Variants in VWF observed in about 807,000 individuals in gnomAD.
VWF encodes von Willebrand factor.
A neutral mutation model predicts 308.6 loss-of-function variants in VWF; 176 were observed. The ratio of observed to expected loss-of-function variants is 0.57; its 90% confidence interval spans 0.50 to 0.65. The LOEUF is 0.65. Ranked by LOEUF, VWF falls within the 30% of genes least tolerant of loss-of-function variation. The pLI is 0.00. For synonymous variants in VWF, 1,385 were observed against 1,443.4 expected (o/e 0.96, Z 0.92); for missense variants, 3,146 against 3,648.2 (o/e 0.86, Z 3.55).
chr12:5,966,049 C>A (rs1394354327), intron 47 of VWF, among the ~76,000 whole-genome samples: 1 of 152,180 alleles, frequency 6.6e-6, no homozygotes, highest in African/African-American at 2.4e-5. Flanking sequence ...GTGGCTCCCT[C>A]TGAACACCAG....
At chr12:6,050,331 G>A (rs1944494987) in intron 16 of VWF, among the ~76,000 whole-genome samples, 1 of 152,142 alleles carries the variant, frequency 6.6e-6, no homozygotes, top group Admixed American at 6.5e-5. Flanking sequence ...GCTATCGCTT[G>A]ATCCAAGGCC....
chr12:6,057,737 C>T (rs997447327), intron 14 of VWF, 112 bp downstream of exon 14: 2 of 1,304,414 alleles, frequency 1.5e-6, no homozygotes, highest in Non-Finnish European at 2.0e-6. Context: ...CCCCTTTCCT[C>T]GCTCCCCGCC....
intron 42 of VWF, among the ~76,000 whole-genome samples, chr12:5,980,141 AG>A (rs1943585711): frequency 6.2e-5 from 5 of 80,454 alleles, no homozygotes; most frequent in Admixed American, 1.4e-4. Flanking sequence ...GAAGGAAGAA[AG>A]GAGTGAGGGA....
intron 20 of VWF, among the ~76,000 whole-genome samples, chr12:6,033,616 G>C (rs1305823991): frequency 6.6e-6 from 1 of 152,256 alleles, no homozygotes; most frequent in Non-Finnish European, 1.5e-5. Flanking sequence ...TATCCCCCCG[G>C]ATCATAGGTT....
intron 13 of VWF, among the ~76,000 whole-genome samples, chr12:6,061,847 A>G (rs1944658108): frequency 6.6e-6 from 1 of 152,256 alleles, no homozygotes; most frequent in Non-Finnish European, 1.5e-5. Flanking sequence ...CAGAGGCCAC[A>G]TGACATGCAA....
intron 5 of VWF, among the ~76,000 whole-genome samples, chr12:6,106,066 G>A (rs559120530): frequency 1.3e-5 from 2 of 152,184 alleles, no homozygotes; most frequent in South Asian, 2.1e-4. Flanking sequence ...AGAATTGAAA[G>A]CAGGGTTTTA....
chr12:6,032,965 TAC>T (rs370954340), intron 20 of VWF, among the ~76,000 whole-genome samples: 148 of 149,708 alleles, frequency 9.9e-4, no homozygotes, highest in Middle Eastern at 3.6e-3. Context: ...CATGTACTCA[TAC>T]ACAGTCACAC....
At chr12:5,959,805 AC>A (rs1035026602) in intron 47 of VWF, among the ~76,000 whole-genome samples, 49 of 152,064 alleles carry the variant, frequency 3.2e-4, no homozygotes, top group Non-Finnish European at 6.5e-4. Flanking sequence ...GTAATAAAAA[AC>A]AATATATCAA....
chr12:6,039,357 GA>G (rs1944372221), intron 18 of VWF, among the ~76,000 whole-genome samples: 1 of 152,162 alleles, frequency 6.6e-6, no homozygotes, highest in Admixed American at 6.5e-5. Flanking sequence ...ACCTTTCTCT[GA>G]AAAGGCCCCA....
At chr12:6,002,436 T>C (rs1342104879) in intron 34 of VWF, among the ~76,000 whole-genome samples, 1 of 151,988 alleles carries the variant, frequency 6.6e-6, no homozygotes, top group Non-Finnish European at 1.5e-5. Flanking sequence ...AAGATTACTG[T>C]GAAAATTTTA....
chr12:6,004,415 G>C (rs1484162696), intron 34 of VWF, among the ~76,000 whole-genome samples: 3 of 152,086 alleles, frequency 2.0e-5, no homozygotes, highest in Non-Finnish European at 4.4e-5. Flanking sequence ...AATGAGAATT[G>C]AGGGATACTT....
chr12:5,967,675 G>T, intron 46 of VWF, 73 bp from the exon 47 acceptor site: 1 of 1,349,056 alleles, frequency 7.4e-7, no homozygotes, highest in Non-Finnish European at 1.0e-6. Flanking sequence ...CTCATACCCT[G>T]TCTCCTGCCC....
At chr12:5,969,860 C>T (rs1201194873) in intron 44 of VWF, among the ~76,000 whole-genome samples, 1 of 152,184 alleles carries the variant, frequency 6.6e-6, no homozygotes, top group Admixed American at 6.5e-5. Flanking sequence ...GAAGACTGCA[C>T]ATGGGTAGCC....
In VWF at chr12:5,964,166, G is replaced by A. The variant is rs555294209; in HGVS notation, c.7887+3320C>T. 2.5e-4 allele frequency among the ~76,000 whole-genome samples: 37 copies of A among 146,498 alleles called. No homozygotes were observed. The South Asian group carries it at 3.3e-3, about 13-fold the overall frequency. On this transcript the variant is annotated intron_variant, in intron 47 of 51. Transcript: ENST00000261405. ...TGGGAGGCGGGGCTTGCAGTGAGCC[G>A]AGATCTCACCACTGCACTCCAGCCT...
At chr12:6,105,631 G>A (rs1393194639) in intron 5 of VWF, among the ~76,000 whole-genome samples, 3 of 152,138 alleles carry the variant, frequency 2.0e-5, no homozygotes, top group African/African-American at 4.8e-5. Context: ...AATAGATATT[G>A]TAAAAGGAAT....
Position 5,971,659 on chromosome 12 carries a change from T to C in VWF, c.7488A>G (p.Pro2496=), listed in dbSNP as rs1943477000. 1 of 1,614,074 alleles carries C rather than the reference T, an allele frequency of 6.2e-7. No individual in the cohort carries two copies. Among genetic ancestry groups the C allele is most frequent in the African/African-American group, 1.3e-5 (1 of 74,934 alleles). ...HEGECCGRCL[P]SACEVVTGSP... is the part of the protein sequence containing the mutation. The stretch of plus-strand genomic sequence containing the variant: ...AGCCAGTCACCACCTCACAGGCAGA[T>C]GGCAGGCACCTTCCACAGCACTCGC... The change falls in exon 44 of 52, where the codon CCA becomes CCG. Residue 2496 remains proline, a synonymous_variant. Coordinates refer to ENST00000261405, the MANE Select transcript of VWF (RefSeq NM_000552.5).
intron 10 of VWF, among the ~76,000 whole-genome samples, chr12:6,068,832 T>TGTGTGTGTG (rs1565851315): frequency 4.7e-4 from 48 of 101,072 alleles, no homozygotes; most frequent in African/African-American, 2.4e-3. Context: ...TTTTTTTTTT[T>TGTGTGTGTG]TGCGTGTGTG....
intron 6 of VWF, among the ~76,000 whole-genome samples, chr12:6,081,023 A>G (rs1944903165): frequency 6.6e-6 from 1 of 152,144 alleles, no homozygotes. Context: ...CCATCCACTC[A>G]GTCACGGGGG....
intron 34 of VWF, among the ~76,000 whole-genome samples, chr12:6,003,596 G>T (rs1168910700): frequency 6.6e-6 from 1 of 151,886 alleles, no homozygotes; most frequent in East Asian, 1.9e-4. Flanking sequence ...TAAGCCAGTC[G>T]CAATAGGAAA....
Sources: gnomAD v4.1 joint callset for allele counts (sites outside exome capture counted in the v4.1 genomes callset) on GRCh38, gnomAD v4.1.1 for gene constraint, MANE v1.5 for transcripts, NCBI Gene and HGNC (gene_info 2026-07-23, HGNC 2026-07-21) for gene names.